PDGFD: variants seen among roughly 807,000 people sequenced by gnomAD.
PDGFD encodes the protein platelet-derived growth factor D.
Under a neutral mutation model 44.7 loss-of-function variants are expected in PDGFD, and 30 were observed. That is an observed-to-expected ratio of 0.67 (90% CI 0.50 to 0.91). The LOEUF (loss-of-function observed/expected upper bound fraction) is 0.91. Ranked by LOEUF, PDGFD falls within the 40% of genes least tolerant of loss-of-function variation. The pLI, the probability that PDGFD is intolerant of heterozygous loss-of-function variation, is 0.00. For missense variants in PDGFD, 445 were observed against 457.8 expected, an observed-to-expected ratio of 0.97 and a Z score of 0.25; for synonymous variants, 173 against 168.4, an observed-to-expected ratio of 1.03 and a Z score of -0.21.
At chr11:103,964,388 T>A (rs1858982990) in intron 3 of PDGFD, among the ~76,000 whole-genome samples, 1 of 152,162 alleles carries the variant, frequency 6.6e-6, no homozygotes, top group African/African-American at 2.4e-5. Context: ...CAGCATAACC[T>A]AGCAAACTAT....
At chr11:104,135,391 T>G (rs1190746854) in intron 1 of PDGFD, among the ~76,000 whole-genome samples, 1 of 152,196 alleles carries the variant, frequency 6.6e-6, no homozygotes, top group African/African-American at 2.4e-5. Flanking sequence ...TGACTGTTTG[T>G]GTGGCAGGGA....
In PDGFD at chr11:104,119,161, TAAC is replaced by T. The variant is rs1200622748; in HGVS notation, c.124+44640_124+44642del. 3.0e-4 allele frequency among the ~76,000 whole-genome samples: 3 copies of T among 9,890 alleles called. 1 individual carries two copies. The highest frequency in any genetic ancestry group is 0.011 in the South Asian group (1 of 92). 6.5% of individuals were successfully genotyped at this position (9,890 alleles called of 152,430 possible). On this transcript the variant is annotated intron_variant, in intron 1 of 6. Coordinates refer to ENST00000393158, the MANE Select transcript of PDGFD (RefSeq NM_025208.5). ...AATATATTAATATAATATATTGATA[TAAC>T]ATATAATATATTAATATAATATATT... is the stretch of plus-strand genomic sequence containing the variant.
chr11:103,967,682 C>T (rs1859041950), intron 3 of PDGFD, among the ~76,000 whole-genome samples: 1 of 152,152 alleles, frequency 6.6e-6, no homozygotes, highest in African/African-American at 2.4e-5. Context: ...ATCAAGTCAT[C>T]AACATCTGGA....
intron 3 of PDGFD, among the ~76,000 whole-genome samples, chr11:103,949,641 C>G (rs542999331): frequency 6.6e-6 from 1 of 152,318 alleles, no homozygotes; most frequent in Admixed American, 6.5e-5. Flanking sequence ...GCTATTAATA[C>G]TTTCTGAGCT....
chr11:104,133,182 A>C (rs1417047053), intron 1 of PDGFD, among the ~76,000 whole-genome samples: 1 of 152,124 alleles, frequency 6.6e-6, no homozygotes, highest in Non-Finnish European at 1.5e-5. Flanking sequence ...TTTGTTAAAC[A>C]AGTGGAAGAT....
chr11:103,995,371 C>T (rs566660665), intron 3 of PDGFD, among the ~76,000 whole-genome samples: 2 of 152,242 alleles, frequency 1.3e-5, no homozygotes, highest in African/African-American at 4.8e-5. Context: ...CTGTGTGTGA[C>T]CCAACGACTA....
At chr11:104,002,111 A>C (rs1241679325) in intron 1 of PDGFD, among the ~76,000 whole-genome samples, 1 of 152,176 alleles carries the variant, frequency 6.6e-6, no homozygotes, top group Non-Finnish European at 1.5e-5. Context: ...GACAGCAAGC[A>C]GACAACTTCC....
At chr11:104,013,335 T>C (rs2134376352) in intron 1 of PDGFD, among the ~76,000 whole-genome samples, 1 of 152,250 alleles carries the variant, frequency 6.6e-6, no homozygotes, top group East Asian at 1.9e-4. Flanking sequence ...GGGCAGGGTA[T>C]AAAAGGCTGT....
intron 1 of PDGFD, among the ~76,000 whole-genome samples, chr11:104,024,676 C>T (rs1418150344): frequency 6.6e-6 from 1 of 152,178 alleles, no homozygotes; most frequent in Non-Finnish European, 1.5e-5. Context: ...GCTAAGTCCA[C>T]TCTATGATGT....
intron 1 of PDGFD, among the ~76,000 whole-genome samples, chr11:104,018,653 G>A (rs1280322637): frequency 6.6e-6 from 1 of 152,032 alleles, no homozygotes; most frequent in Non-Finnish European, 1.5e-5. Flanking sequence ...TTTTCTTCAG[G>A]GAGGAGCCCT....
chr11:103,981,435 C>T lies in PDGFD; in HGVS notation c.510+14630G>A, dbSNP rs144920994. On this transcript the variant is annotated intron_variant, in intron 3 of 6. Coordinates refer to ENST00000393158, the MANE Select transcript of PDGFD (RefSeq NM_025208.5). ...ATAGAAAAGGGACTAAGACACCCTCCGAAGACATTTAATGGTAATAGTAAT... is the reference window on the plus strand; with the variant it reads ...ATAGAAAAGGGACTAAGACACCCTCTGAAGACATTTAATGGTAATAGTAAT... Among the ~76,000 whole-genome samples, 30 of 151,736 alleles carry T rather than the reference C, an allele frequency of 2.0e-4. No homozygotes were observed. In the South Asian group the frequency reaches 3.7e-3, roughly 19 times the overall value.
intron 1 of PDGFD, among the ~76,000 whole-genome samples, chr11:104,119,567 TATATTA>T (rs1861730283): frequency 1.1e-5 from 1 of 93,908 alleles, no homozygotes; most frequent in African/African-American, 4.4e-5. Flanking sequence ...TAATATATAA[TATATTA>T]ATATAATATA....
intron 1 of PDGFD, among the ~76,000 whole-genome samples, chr11:104,130,119 G>A (rs963885295): frequency 1.3e-5 from 2 of 151,996 alleles, no homozygotes; most frequent in African/African-American, 2.4e-5. Flanking sequence ...AAAGAACTAA[G>A]GGCCAAGTAG....
intron 1 of PDGFD, among the ~76,000 whole-genome samples, chr11:104,021,685 C>T (rs935911428): frequency 1.3e-4 from 20 of 152,256 alleles, no homozygotes; most frequent in African/African-American, 4.3e-4. Context: ...CTGTCAAACT[C>T]GACTTGATCT....
At chr11:104,003,382 A>T (rs1859649180) in intron 1 of PDGFD, among the ~76,000 whole-genome samples, 1 of 152,244 alleles carries the variant, frequency 6.6e-6, no homozygotes, top group African/African-American at 2.4e-5. Flanking sequence ...GTGGGTGAAT[A>T]GTTTGTTAAA....
intron 1 of PDGFD, among the ~76,000 whole-genome samples, chr11:104,160,688 A>G (rs564383962): frequency 6.6e-6 from 1 of 152,196 alleles, no homozygotes; most frequent in South Asian, 2.1e-4. Flanking sequence ...TTAGTTATAG[A>G]GCCTCATGTT....
chr11:104,027,754 C>T (rs1412243784), intron 1 of PDGFD, among the ~76,000 whole-genome samples: 2 of 152,128 alleles, frequency 1.3e-5, no homozygotes, highest in Admixed American at 1.3e-4. Context: ...GAATAACATA[C>T]ATTGATTAAA....
chr11:103,965,895 G>C (rs1229261587), intron 3 of PDGFD, among the ~76,000 whole-genome samples: 1 of 152,190 alleles, frequency 6.6e-6, no homozygotes, highest in Non-Finnish European at 1.5e-5. Context: ...AAGCAGATGA[G>C]CGAGGAAGCA....
intron 1 of PDGFD, among the ~76,000 whole-genome samples, chr11:104,109,471 T>G (rs1002452540): frequency 8.5e-5 from 13 of 152,146 alleles, no homozygotes; most frequent in African/African-American, 3.1e-4. Flanking sequence ...TAAAAAAAAG[T>G]CTTTTTGGAT....
Sources: gnomAD v4.1 joint callset for allele counts (sites outside exome capture counted in the v4.1 genomes callset) on GRCh38, gnomAD v4.1.1 for gene constraint, MANE v1.5 for transcripts, NCBI Gene and HGNC (gene_info 2026-07-23, HGNC 2026-07-21) for gene names.